Variants in THSD7B observed in about 807,000 individuals in gnomAD.
THSD7B encodes the protein thrombospondin type-1 domain-containing protein 7B.
Under a neutral mutation model 213.6 loss-of-function variants are expected in THSD7B, and 138 were observed. The ratio of observed to expected loss-of-function variants is 0.65; its 90% CI spans 0.56 to 0.74. The LOEUF (loss-of-function observed/expected upper bound fraction) is 0.74, where lower values mean the gene tolerates loss of function less well. THSD7B is among the 30% of genes least tolerant of loss of function. THSD7B has a pLI of 0.00. For missense variants in THSD7B, 1,931 were observed against 1,991.5 expected, an observed-to-expected ratio of 0.97 and a Z score of 0.58; for synonymous variants, 742 against 687.0, an observed-to-expected ratio of 1.08 and a Z score of -1.25.
chr2:137,617,266 AT>A (rs1202730816), intron 18 of THSD7B, among the ~76,000 whole-genome samples: 3 of 152,218 alleles, frequency 2.0e-5, no homozygotes, highest in Non-Finnish European at 2.9e-5. Context: ...TTTACTATAC[AT>A]GGGTTTGCTA....
chr2:136,870,699 G>A (rs1683417892), intron 1 of THSD7B, among the ~76,000 whole-genome samples: 1 of 152,152 alleles, frequency 6.6e-6, no homozygotes, highest in Non-Finnish European at 1.5e-5. Context: ...GAAGGTGCAT[G>A]CTTGAGGAAC....
chr2:137,423,622 G>A (rs1447028368), intron 14 of THSD7B, among the ~76,000 whole-genome samples: 8 of 151,874 alleles, frequency 5.3e-5, no homozygotes, highest in African/African-American at 1.5e-4. Flanking sequence ...TTTATTATAC[G>A]CTATAAAACA....
chr2:137,240,220 C>A (rs1177365399), intron 9 of THSD7B, among the ~76,000 whole-genome samples: 1 of 152,202 alleles, frequency 6.6e-6, no homozygotes, highest in Non-Finnish European at 1.5e-5. Context: ...TCTCCTCTTT[C>A]TAGTTCTCAT....
intron 20 of THSD7B, among the ~76,000 whole-genome samples, chr2:137,626,400 C>G (rs1682630687): frequency 6.7e-6 from 1 of 148,218 alleles, no homozygotes; most frequent in African/African-American, 2.5e-5. Context: ...GGAGGCGGAG[C>G]TTGCAGTGAG....
At chr2:137,073,691 A>C (rs1306352566) in intron 3 of THSD7B, among the ~76,000 whole-genome samples, 1 of 147,908 alleles carries the variant, frequency 6.8e-6, no homozygotes, top group Non-Finnish European at 1.5e-5. Flanking sequence ...TGTCAATTTT[A>C]GATCTTTCCT....
At chr2:137,550,331 A>G (rs78319294) in intron 15 of THSD7B, among the ~76,000 whole-genome samples, 289 of 152,252 alleles carry the variant, frequency 1.9e-3, no homozygotes, top group African/African-American at 6.7e-3. Flanking sequence ...GGATCTGCAC[A>G]ACAATAATTT....
chr2:137,185,015 C>T (rs1395200944), intron 7 of THSD7B, among the ~76,000 whole-genome samples: 1 of 152,042 alleles, frequency 6.6e-6, no homozygotes, highest in African/African-American at 2.4e-5. Context: ...CCCTCATTCT[C>T]TCAGGTATCA....
At chr2:137,284,193 G>T (rs1345655358) in intron 12 of THSD7B, among the ~76,000 whole-genome samples, 1 of 152,112 alleles carries the variant, frequency 6.6e-6, no homozygotes. Context: ...GCGTAGAGGT[G>T]TTTGTAGTAT....
At chr2:136,877,500 CT>C (rs1197228726) in intron 1 of THSD7B, among the ~76,000 whole-genome samples, 2 of 152,196 alleles carry the variant, frequency 1.3e-5, no homozygotes, top group African/African-American at 4.8e-5. Flanking sequence ...CACTTTTGTT[CT>C]TCTCAATATT....
rs577437301 is a variant in THSD7B, at chr2:137,297,242, C to G, written c.2500+21216C>G. 1.5e-4 allele frequency among the ~76,000 whole-genome samples: 22 copies of G among 149,028 alleles called. 2 individuals are homozygous for G. The South Asian group carries it at 5.0e-3, about 34-fold the overall frequency. On this transcript the variant is annotated intron_variant, in intron 12 of 27. Coordinates refer to ENST00000409968, the MANE Select transcript of THSD7B (RefSeq NM_001316349.2). ...GAGGCTTCACTGAGATATGATCGCA[C>G]CACTATTCTCCAGCTGGGGTGACAG...
intron 1 of THSD7B, among the ~76,000 whole-genome samples, chr2:136,878,235 A>G (rs943346850): frequency 6.6e-6 from 1 of 152,182 alleles, no homozygotes; most frequent in Non-Finnish European, 1.5e-5. Flanking sequence ...CCATGTCCCT[A>G]CAAAGGACAT....
At chr2:136,935,582 A>G (rs1001614777) in intron 2 of THSD7B, among the ~76,000 whole-genome samples, 1 of 152,048 alleles carries the variant, frequency 6.6e-6, no homozygotes, top group Non-Finnish European at 1.5e-5. Flanking sequence ...GATATTTTTA[A>G]CTTGATGAAA....
chr2:137,552,859 C>T (rs921226096), intron 15 of THSD7B, among the ~76,000 whole-genome samples: 1 of 152,004 alleles, frequency 6.6e-6, no homozygotes, highest in Admixed American at 6.6e-5. Flanking sequence ...GAGTATAGCC[C>T]AGAGAACCCA....
rs1188034399 is a variant in THSD7B at position 137,657,122 on chromosome 2, C to T, written c.4337C>T (p.Thr1446Ile). 6.2e-7 allele frequency: 1 copy of T among 1,613,976 alleles called. No homozygotes were observed. The highest frequency in any genetic ancestry group is 1.1e-5 in the South Asian group (1 of 91,082). The change falls in exon 24 of 28, where the codon ACT (threonine) becomes ATT (isoleucine). Residue 1446 changes from threonine (T) to isoleucine (I), a missense_variant. By Grantham distance (89) the Thr-to-Ile change is moderately conservative (BLOSUM62 -1). Coordinates refer to ENST00000409968, the MANE Select transcript of THSD7B (RefSeq NM_001316349.2). ...KASLWNNNER[T>I]VWCQRSDGVN... is the part of the protein sequence containing the mutation. The stretch of plus-strand genomic sequence containing the variant: ...AGTCTTTGGAACAATAACGAACGAA[C>T]TGTATGGTGCCAGCGTTCAGATGGC...
chr2:137,274,288 G>T (rs750953046), intron 11 of THSD7B, among the ~76,000 whole-genome samples: 1 of 152,024 alleles, frequency 6.6e-6, no homozygotes, highest in Non-Finnish European at 1.5e-5. Flanking sequence ...AGTTAACGTA[G>T]GATTTTATCA....
chr2:137,415,376 T>C (rs1686769854), intron 14 of THSD7B, among the ~76,000 whole-genome samples: 1 of 152,170 alleles, frequency 6.6e-6, no homozygotes, highest in African/African-American at 2.4e-5. Context: ...CCATTGATAA[T>C]CACAGCCCAG....
At chr2:137,659,289 C>T (rs1396254657) in intron 24 of THSD7B, among the ~76,000 whole-genome samples, 1 of 152,126 alleles carries the variant, frequency 6.6e-6, no homozygotes, top group Non-Finnish European at 1.5e-5. Flanking sequence ...GGAGCTGAAG[C>T]AGTATATATG....
intron 15 of THSD7B, among the ~76,000 whole-genome samples, chr2:137,558,865 G>A (rs571402228): frequency 6.6e-6 from 1 of 152,196 alleles, no homozygotes; most frequent in Admixed American, 6.5e-5. Flanking sequence ...CTCCAGCAAA[G>A]TCTCAGGATA....
intron 20 of THSD7B, among the ~76,000 whole-genome samples, chr2:137,637,555 T>C (rs1036655941): frequency 6.6e-6 from 1 of 152,236 alleles, no homozygotes; most frequent in Non-Finnish European, 1.5e-5. Flanking sequence ...TAGGCATTGT[T>C]TGGAAATCTT....
Sources: allele counts gnomAD v4.1 joint callset (sites outside exome capture counted in the v4.1 genomes callset), GRCh38; gene constraint gnomAD v4.1.1; transcripts MANE v1.5; gene names NCBI Gene and HGNC (gene_info 2026-07-23, HGNC 2026-07-21).